Variants in DCLK1 observed in about 807,000 individuals in gnomAD.
The protein encoded by DCLK1 is doublecortin like kinase 1.
A neutral mutation model predicts 86.2 loss-of-function variants in DCLK1; 16 were observed. That is an observed-to-expected ratio of 0.19 (90% CI 0.13 to 0.28). The LOEUF is 0.28. DCLK1 is among the 10% of genes least tolerant of loss of function. The pLI, the probability that DCLK1 is intolerant of heterozygous loss-of-function variation, is 1.00. For synonymous variants in DCLK1, 369 were observed against 370.5 expected (o/e 1.00, Z 0.05); for missense variants, 590 against 940.2 (o/e 0.63, Z 4.87).
At chr13:36,081,769 T>C (rs1165181731) in intron 3 of DCLK1, among the ~76,000 whole-genome samples, 4 of 152,174 alleles carry the variant, frequency 2.6e-5, no homozygotes, top group Non-Finnish European at 4.4e-5. Context: ...AAAAATAACA[T>C]TTATTCAACT....
At chr13:35,967,324 G>GTGTA (rs1878823016) in intron 3 of DCLK1, among the ~76,000 whole-genome samples, 1 of 152,214 alleles carries the variant, frequency 6.6e-6, no homozygotes, top group Non-Finnish European at 1.5e-5. Flanking sequence ...CATCTGGGAG[G>GTGTA]TGTACCCAAC....
At chr13:36,058,879 A>G (rs1883432342) in intron 3 of DCLK1, among the ~76,000 whole-genome samples, 1 of 152,214 alleles carries the variant, frequency 6.6e-6, no homozygotes, top group African/African-American at 2.4e-5. Context: ...ATCAGGAATG[A>G]CATCCAATAT....
chr13:35,960,484 CATTT>C (rs1395564226), intron 3 of DCLK1, among the ~76,000 whole-genome samples: 2 of 152,108 alleles, frequency 1.3e-5, no homozygotes, highest in Admixed American at 6.6e-5. Context: ...TTTATTTATT[CATTT>C]GTTTGTTTAC....
intron 11 of DCLK1, among the ~76,000 whole-genome samples, chr13:35,815,227 G>T (rs962762374): frequency 2.3e-4 from 35 of 152,044 alleles, no homozygotes; most frequent in African/African-American, 7.7e-4. Context: ...GATTTCCCTT[G>T]GATGGGAAAC....
chr13:36,081,628 G>A (rs572209678), intron 3 of DCLK1, among the ~76,000 whole-genome samples: 89 of 152,022 alleles, frequency 5.9e-4, no homozygotes, highest in Non-Finnish European at 1.1e-3. Flanking sequence ...CCTGTGTCAC[G>A]TAGAAAGGAC....
intron 16 of DCLK1, among the ~76,000 whole-genome samples, chr13:35,781,201 GCTTGT>G (rs1394739072): frequency 6.6e-6 from 1 of 152,182 alleles, no homozygotes; most frequent in African/African-American, 2.4e-5. Context: ...ACGTCTCTAT[GCTTGT>G]CTTGTCTGGT....
At chr13:35,935,498 C>T (rs906802259) in intron 4 of DCLK1, among the ~76,000 whole-genome samples, 12 of 152,046 alleles carry the variant, frequency 7.9e-5, no homozygotes, top group South Asian at 4.2e-4. Context: ...GAGTAAAAGA[C>T]GACTCCATGT....
chr13:35,968,234 A>G (rs1878880660), intron 3 of DCLK1, among the ~76,000 whole-genome samples: 1 of 152,160 alleles, frequency 6.6e-6, no homozygotes. Context: ...GGCTGGAGTG[A>G]GGAGGAATAG....
At chr13:35,862,336 C>A (rs1566573931) in intron 5 of DCLK1, among the ~76,000 whole-genome samples, 1 of 152,168 alleles carries the variant, frequency 6.6e-6, no homozygotes, top group South Asian at 2.1e-4. Flanking sequence ...TATCTCTGAT[C>A]CCTCTCTCTT....
intron 6 of DCLK1, among the ~76,000 whole-genome samples, chr13:35,841,010 T>C (rs992394535): frequency 4.6e-5 from 7 of 152,174 alleles, no homozygotes; most frequent in African/African-American, 1.4e-4. Context: ...GCTGCAGACA[T>C]AATGGTGTTC....
At chr13:36,070,526 G>A (rs1883932586) in intron 3 of DCLK1, among the ~76,000 whole-genome samples, 1 of 152,130 alleles carries the variant, frequency 6.6e-6, no homozygotes, top group African/African-American at 2.4e-5. Context: ...TTTACCATTA[G>A]GTTGTTCTTA....
chr13:36,023,676 G>A (rs1881887765), intron 3 of DCLK1, among the ~76,000 whole-genome samples: 1 of 152,036 alleles, frequency 6.6e-6, no homozygotes, highest in Admixed American at 6.6e-5. Context: ...ACCCACTTGA[G>A]CATCTCAATA....
At chr13:36,020,514 C>T (rs1214401014) in intron 3 of DCLK1, among the ~76,000 whole-genome samples, 2 of 152,088 alleles carry the variant, frequency 1.3e-5, no homozygotes, top group Non-Finnish European at 2.9e-5. Flanking sequence ...CATTTTTCTT[C>T]CCCTATTCCC....
intron 3 of DCLK1, among the ~76,000 whole-genome samples, chr13:35,979,521 G>A (rs1037755319): frequency 6.6e-5 from 10 of 152,172 alleles, no homozygotes; most frequent in African/African-American, 9.7e-5. Context: ...AGGCCCACTC[G>A]TTTCTCACTG....
chr13:35,873,235 C>A (rs1248353339), intron 4 of DCLK1, among the ~76,000 whole-genome samples: 1 of 151,634 alleles, frequency 6.6e-6, no homozygotes, highest in Non-Finnish European at 1.5e-5. Context: ...AAGGCAGAGG[C>A]TGCAGTGAGC....
intron 3 of DCLK1, among the ~76,000 whole-genome samples, chr13:36,104,212 C>A (rs1001541942): frequency 1.3e-5 from 2 of 152,118 alleles, no homozygotes; most frequent in Admixed American, 6.5e-5. Context: ...TGGCCATGAC[C>A]CGTAAGGACC....
intron 16 of DCLK1, among the ~76,000 whole-genome samples, chr13:35,776,062 T>C (rs1012927756): frequency 2.0e-5 from 3 of 152,218 alleles, no homozygotes; most frequent in Non-Finnish European, 4.4e-5. Flanking sequence ...AATTCACTTC[T>C]TGTCTCACTA....
intron 3 of DCLK1, among the ~76,000 whole-genome samples, chr13:36,006,301 G>T (rs958397261): frequency 6.6e-6 from 1 of 152,218 alleles, no homozygotes; most frequent in Non-Finnish European, 1.5e-5. Context: ...TGGGAGACCC[G>T]CAAACCAGCG....
At chr13:36,079,299 G>A (rs904020793) in intron 3 of DCLK1, among the ~76,000 whole-genome samples, 1 of 152,176 alleles carries the variant, frequency 6.6e-6, no homozygotes, top group East Asian at 1.9e-4. Context: ...GAAGCCTTGA[G>A]AATTTAATGA....
Sources: gnomAD v4.1 joint callset for allele counts (sites outside exome capture counted in the v4.1 genomes callset) on GRCh38, gnomAD v4.1.1 for gene constraint, MANE v1.5 for transcripts, NCBI Gene and HGNC (gene_info 2026-07-23, HGNC 2026-07-21) for gene names.